Variants in SLC6A20 observed in about 807,000 individuals in gnomAD.
SLC6A20 encodes the protein sodium- and chloride-dependent transporter XTRP3.
In SLC6A20, 73 loss-of-function variants were observed where a neutral mutation model predicts 64.3. That is an observed-to-expected ratio of 1.14 (90% CI 0.94 to 1.38). The LOEUF (loss-of-function observed/expected upper bound fraction) is 1.38, where lower values mean the gene tolerates loss of function less well. Ranked by LOEUF, SLC6A20 falls within the 40% of genes most tolerant of loss-of-function variation. SLC6A20 has a pLI of 0.00. For missense variants in SLC6A20, 725 were observed against 772.8 expected, an observed-to-expected ratio of 0.94 and a Z score of 0.73; for synonymous variants, 347 against 329.6, an observed-to-expected ratio of 1.05 and a Z score of -0.57.
At chr3:45,783,030 C>T (rs891446181) in intron 1 of SLC6A20, among the ~76,000 whole-genome samples, 1 of 152,256 alleles carries the variant, frequency 6.6e-6, no homozygotes, top group Non-Finnish European at 1.5e-5. Context: ...TATGCACTTC[C>T]TTTGGGCTTT....
intron 3 of SLC6A20, among the ~76,000 whole-genome samples, chr3:45,777,211 T>A (rs2125647815): frequency 6.6e-6 from 1 of 152,156 alleles, no homozygotes; most frequent in East Asian, 1.9e-4. Flanking sequence ...AGGCCCGGGG[T>A]ATCACCTAAT....
intron 2 of SLC6A20, among the ~76,000 whole-genome samples, chr3:45,781,143 T>A (rs1229754205): frequency 1.3e-5 from 2 of 151,266 alleles, no homozygotes; most frequent in Admixed American, 1.3e-4. Context: ...AACGGTTGAA[T>A]CCGGGAGTGG....
At chr3:45,789,849 C>T (rs554413291) in intron 1 of SLC6A20, among the ~76,000 whole-genome samples, 293 of 152,316 alleles carry the variant, frequency 1.9e-3, no homozygotes, top group Middle Eastern at 0.01. Flanking sequence ...GCCTCGGCCT[C>T]CCAAAGTGCT....
rs375903335 is a variant in SLC6A20, at chr3:45,759,907, C to T, written c.1579G>A (p.Asp527Asn). The stretch of plus-strand genomic sequence containing the variant: ...TTCAGGGTCCCCGTGAGGATGTAGT[C>T]GCTCAGGTAGAAGACAAAGAGGCTG... Reference protein sequence around the residue: ...IVSLFVFYLSDYILTGTLKYQ... With the variant: ...IVSLFVFYLSNYILTGTLKYQ... Residue 527 changes from aspartate to asparagine, a missense_variant, in exon 10 of 11, where the codon GAC (aspartate) becomes AAC (asparagine). By Grantham distance (23) the Asp-to-Asn change is conservative. Transcript: ENST00000358525. 2.9e-5 allele frequency: 47 copies of T among 1,614,044 alleles called. No homozygotes were observed. Among genetic ancestry groups the T allele is most frequent in the African/African-American group, 1.9e-4 (14 of 74,932 alleles).
chr3:45,775,936 T>C lies in SLC6A20; in HGVS notation c.407A>G (p.Asp136Gly). 6.2e-7 allele frequency: 1 copy of C among 1,614,196 alleles called. No homozygotes were observed. The highest frequency in any genetic ancestry group is 1.1e-5 in the South Asian group (1 of 91,088). ...GGAGGACGCCTTCTCACACTCCTCA[T>C]CGTAGCCCGTGTGGTTACCATTCAG... ...CPLNGNHTGY[D>G]EECEKASSTQ... Residue 136 changes from aspartate to glycine, a missense_variant, in exon 4 of 11, where the codon GAT becomes GGT. Asp to Gly is a moderately conservative substitution (Grantham distance 94). Coordinates refer to ENST00000358525, the MANE Select transcript of SLC6A20 (RefSeq NM_020208.4).
chr3:45,771,513 C>A, intron 5 of SLC6A20, 55 bp from the exon 6 acceptor site: 1 of 1,605,708 alleles, frequency 6.2e-7, no homozygotes, highest in South Asian at 1.1e-5. Flanking sequence ...CCCAAATGCT[C>A]AGACCCGCAA....
chr3:45,789,641 T>C (rs1035575952), intron 1 of SLC6A20, among the ~76,000 whole-genome samples: 1 of 130,952 alleles, frequency 7.6e-6, no homozygotes, highest in African/African-American at 3.0e-5. Flanking sequence ...TATAAAAATA[T>C]GGTTCTAATT....
Position 45,758,959 on chromosome 3 carries a change from C to G in SLC6A20, c.*19G>C. The G allele has an allele frequency of 6.3e-7, 1 of 1,582,002 alleles. No homozygotes were observed. The highest frequency in any genetic ancestry group is 8.6e-7 in the Non-Finnish European group (1 of 1,164,610). ...TAAATAGTATCTGTAAAACCGTGAG[C>G]GGCTGGGAAGCCCACATCTCAGGCC... On this transcript the variant is annotated 3_prime_UTR_variant, in exon 11 of 11. Transcript: ENST00000358525.
chr3:45,777,084 T>G (rs1047867241), intron 3 of SLC6A20, among the ~76,000 whole-genome samples: 3 of 152,162 alleles, frequency 2.0e-5, no homozygotes, highest in Admixed American at 2.0e-4. Flanking sequence ...TTGATCAGTT[T>G]TGCACATATC....
Position 45,771,300 on chromosome 3 carries a change from G to A in SLC6A20, c.852C>T (p.Ser284=). ...KHAIIVSLIN[S]FTSIFASIVT... is the part of the protein sequence containing the mutation. ...CAATGCTGGCAAATATGGAGGTGAA[G>A]CTGTTGATGAGGGACACGATGATGG... The change falls in exon 6 of 11, where the codon AGC becomes AGT. Residue 284 remains serine, a synonymous_variant. Coordinates refer to ENST00000358525, the MANE Select transcript of SLC6A20 (RefSeq NM_020208.4). 1.9e-6 allele frequency: 3 copies of A among 1,614,248 alleles called. No individual in the cohort carries two copies. Among genetic ancestry groups the A allele is most frequent in the Non-Finnish European group, 2.5e-6 (3 of 1,180,054 alleles).
intron 7 of SLC6A20, 134 bp downstream of exon 7, chr3:45,770,075 G>T: frequency 8.6e-7 from 1 of 1,156,438 alleles, no homozygotes; most frequent in Non-Finnish European, 1.2e-6. Flanking sequence ...CTTCCCCTTG[G>T]AGTTGCAGGA....
At chr3:45,790,274 T>G (rs1559573070) in intron 1 of SLC6A20, 2 of 152,150 alleles carry the variant, frequency 1.3e-5, no homozygotes, top group Admixed American at 1.3e-4. Context: ...AACCTTTTTT[T>G]TTTCTTTCTG....
intron 4 of SLC6A20, among the ~76,000 whole-genome samples, chr3:45,772,833 G>A (rs900015573): frequency 1.3e-5 from 2 of 152,242 alleles, no homozygotes; most frequent in African/African-American, 2.4e-5. Flanking sequence ...TGACCAGCAC[G>A]ACATTTCTTA....
chr3:45,780,144 T>C (rs1461413868), intron 2 of SLC6A20, 44 bp from the exon 3 acceptor site: 6 of 1,539,484 alleles, frequency 3.9e-6, no homozygotes, highest in Middle Eastern at 1.7e-4. Flanking sequence ...AGGATGGCCC[T>C]TCCCCCTCCG....
At position 45,756,628 on chromosome 3, in the gene SLC6A20, G is replaced by A. The variant is rs1204802333; in HGVS notation, c.*2350C>T. 2 of 152,170 alleles carry A rather than the reference G, an allele frequency of 1.3e-5. No homozygotes were observed. Among genetic ancestry groups the A allele is most frequent in the Non-Finnish European group, 2.9e-5 (2 of 68,034 alleles). 9.4% of individuals were successfully genotyped at this position (152,170 alleles called of 1,614,324 possible). A position where few individuals can be genotyped will look rare whatever the true frequency, so the allele number is the denominator to read the frequency against. ...AAAGACATCTCCGGCCAACGTCCCA[G>A]GTGAGTGTTTGTGTCTTCAAAGATA... is the stretch of plus-strand genomic sequence containing the variant. On this transcript the variant is annotated 3_prime_UTR_variant, in exon 11 of 11. Coordinates refer to ENST00000358525, the MANE Select transcript of SLC6A20 (RefSeq NM_020208.4).
At chr3:45,788,298 C>T (rs1700200731) in intron 1 of SLC6A20, among the ~76,000 whole-genome samples, 1 of 151,656 alleles carries the variant, frequency 6.6e-6, no homozygotes, top group African/African-American at 2.4e-5. Flanking sequence ...AAAGCTATCC[C>T]ACAGCTCAGA....
intron 6 of SLC6A20, 73 bp downstream of exon 6, chr3:45,771,144 A>AGG: frequency 6.3e-7 from 1 of 1,598,558 alleles, no homozygotes; most frequent in Admixed American, 1.7e-5. Flanking sequence ...ACTTTGCCCC[A>AGG]GCCCTTGCCC....
chr3:45,790,554 A>C (rs1700232211), intron 1 of SLC6A20: 1 of 152,190 alleles, frequency 6.6e-6, no homozygotes, highest in Non-Finnish European at 1.5e-5. Flanking sequence ...GGCACAGGTG[A>C]GAAAAATTAA....
At chr3:45,793,810 C>T (rs1268032513) in intron 1 of SLC6A20, among the ~76,000 whole-genome samples, 1 of 152,156 alleles carries the variant, frequency 6.6e-6, no homozygotes, top group Non-Finnish European at 1.5e-5. Flanking sequence ...TGATTTTTAC[C>T]TTCCGGTAAG....
Sources: allele counts gnomAD v4.1 joint callset (sites outside exome capture counted in the v4.1 genomes callset), GRCh38; gene constraint gnomAD v4.1.1; transcripts MANE v1.5; gene names NCBI Gene and HGNC (gene_info 2026-07-23, HGNC 2026-07-21).